The following PLEKHG4B variants were observed in gnomAD, a reference collection of about 807,000 sequenced individuals.
The protein encoded by PLEKHG4B is pleckstrin homology and RhoGEF domain containing G4B, also known as pleckstrin homology domain-containing family G member 4B.
In PLEKHG4B, 111 loss-of-function variants were observed where a neutral mutation model predicts 121.3. That is an observed-to-expected ratio of 0.92 (90% CI 0.78 to 1.07). The LOEUF (loss-of-function observed/expected upper bound fraction) is 1.07, where lower values mean the gene tolerates loss of function less well. Among genes scored for constraint, PLEKHG4B ranks in the 50% least tolerant of loss-of-function variants. The pLI, the probability that PLEKHG4B is intolerant of heterozygous loss-of-function variation, is 0.00. For synonymous variants in PLEKHG4B, 738 were observed against 725.0 expected (o/e 1.02, Z -0.29); for missense variants, 1,831 against 1,757.8 (o/e 1.04, Z -0.74).
At chr5:145,406 A>C (rs547068966) in intron 6 of PLEKHG4B, among the ~76,000 whole-genome samples, 1 of 152,330 alleles carries the variant, frequency 6.6e-6, no homozygotes, top group East Asian at 1.9e-4. Context: ...TGGCAGCCCC[A>C]GACAGGGTCA....
At chr5:129,636 A>G (rs1734718150) in intron 2 of PLEKHG4B, among the ~76,000 whole-genome samples, 1 of 152,214 alleles carries the variant, frequency 6.6e-6, no homozygotes, top group South Asian at 2.1e-4. Context: ...TAAATATTTC[A>G]TAGAGCTTGG....
rs1735765798 is a variant in PLEKHG4B, at chr5:156,019, C to T, written c.2209-52C>T. ...CCTGCCACTGTCACACTTGGGAGGA[C>T]CTGCCCCTTGGAGGAGGGAGTTAAA... On this transcript the variant is annotated intron_variant, in intron 9 of 19. Coordinates refer to ENST00000637938, the MANE Select transcript of PLEKHG4B (RefSeq NM_052909.5). This position sits in a 1 kb window ranked among gnomAD's most constrained non-coding sequence, Gnocchi z 4.4. 2 of 1,468,604 alleles carry T rather than the reference C, an allele frequency of 1.4e-6. No homozygotes were observed. The highest frequency in any genetic ancestry group is 2.9e-5 in the South Asian group (2 of 68,126). The allele number at this position is 1,468,604 out of a possible 1,614,324, so 91.0% of individuals were successfully genotyped here. A position where few individuals can be genotyped will look rare whatever the true frequency, so the allele number is the denominator to read the frequency against.
intron 8 of PLEKHG4B, 118 bp from the exon 9 acceptor site, chr5:155,227 A>G: frequency 4.1e-6 from 4 of 985,826 alleles, no homozygotes; most frequent in Non-Finnish European, 6.3e-6. Flanking sequence ...GGATCTTCAC[A>G]TATGGAAGCT....
At chr5:176,176 C>T (rs527956768) in intron 18 of PLEKHG4B, among the ~76,000 whole-genome samples, 1 of 118,882 alleles carries the variant, frequency 8.4e-6, no homozygotes, top group African/African-American at 2.6e-5. Flanking sequence ...GGCTTCACCC[C>T]TGTGCAGCCC....
At chr5:132,960 T>G (rs139448212) in intron 2 of PLEKHG4B, among the ~76,000 whole-genome samples, 207 of 152,338 alleles carry the variant, frequency 1.4e-3, no homozygotes, top group African/African-American at 4.8e-3. Context: ...GGAATTGCAT[T>G]GAATTTGTAA....
chr5:145,391 G>A (rs1462321110), intron 6 of PLEKHG4B, among the ~76,000 whole-genome samples: 5 of 152,270 alleles, frequency 3.3e-5, no homozygotes, highest in South Asian at 2.1e-4. Flanking sequence ...GGGTGGGGAC[G>A]AACCTGGCAG....
intron 7 of PLEKHG4B, among the ~76,000 whole-genome samples, chr5:154,621 CTTTT>C (rs35893349): frequency 0.075 from 9,942 of 131,802 alleles, 348 homozygotes; most frequent in Non-Finnish European, 0.093. Context: ...TCCTTCCTCC[CTTTT>C]TTTTTTTTTT....
intron 18 of PLEKHG4B, among the ~76,000 whole-genome samples, chr5:177,600 A>T (rs1421364806): frequency 1.3e-5 from 2 of 152,228 alleles, no homozygotes; most frequent in African/African-American, 4.8e-5. Context: ...GATGTAAGGC[A>T]GAAAAAGAGA....
chr5:107,742 C>T (rs1443680882), intron 1 of PLEKHG4B, among the ~76,000 whole-genome samples: 1 of 152,178 alleles, frequency 6.6e-6, no homozygotes, highest in Non-Finnish European at 1.5e-5. Context: ...TGAGCCAAGG[C>T]TTTCTCTGCA....
chr5:132,230 C>T (rs1237874851), intron 2 of PLEKHG4B, among the ~76,000 whole-genome samples: 3 of 151,770 alleles, frequency 2.0e-5, no homozygotes, highest in Non-Finnish European at 4.4e-5. Context: ...CAAAATTATC[C>T]GTTTGTAGAT....
In PLEKHG4B at chr5:139,012, G is replaced by A. The variant is rs76521842; in HGVS notation, c.244-471G>A. ...ACCCGCACCCCTCGCTAAGGAGGCC[G>A]AGGTAGCGCCTGCAGCAGCCGGGAG... On this transcript the variant is annotated intron_variant, in intron 2 of 19. Transcript: ENST00000637938. This position sits in a 1 kb window ranked among gnomAD's most constrained non-coding sequence, Gnocchi z 5.0. Among the ~76,000 whole-genome samples, 6 of 152,344 alleles carry A rather than the reference G, an allele frequency of 3.9e-5. No homozygotes were observed. The highest frequency in any genetic ancestry group is 1.2e-4 in the African/African-American group (5 of 41,584).
At chr5:112,852 G>A (rs149282112) in intron 1 of PLEKHG4B, among the ~76,000 whole-genome samples, 13 of 152,260 alleles carry the variant, frequency 8.5e-5, no homozygotes, top group South Asian at 2.1e-4. Flanking sequence ...AGCAGCTCCC[G>A]CAGGACTCAC....
intron 2 of PLEKHG4B, among the ~76,000 whole-genome samples, chr5:115,696 TAAG>T (rs773497034): frequency 3.3e-5 from 5 of 152,232 alleles, no homozygotes; most frequent in Non-Finnish European, 7.3e-5. Context: ...ATTTTTACGT[TAAG>T]GAGATGGCTT....
At chr5:117,825 C>G (rs1734348365) in intron 2 of PLEKHG4B, among the ~76,000 whole-genome samples, 1 of 152,152 alleles carries the variant, frequency 6.6e-6, no homozygotes, top group Non-Finnish European at 1.5e-5. Context: ...TACACTCCAT[C>G]CTGGGCAACA....
chr5:114,691 A>G (rs1471497519), intron 2 of PLEKHG4B, among the ~76,000 whole-genome samples: 1 of 152,162 alleles, frequency 6.6e-6, no homozygotes, highest in Admixed American at 6.5e-5. Flanking sequence ...TCCTGACCTC[A>G]GGTGATCCAC....
In PLEKHG4B at chr5:135,979, C is replaced by T. The variant is rs562819692; in HGVS notation, c.244-3504C>T. Among the ~76,000 whole-genome samples the T allele has an allele frequency of 6.6e-5, 10 of 151,834 alleles. No individual in the cohort carries two copies. In the East Asian group the frequency reaches 1.9e-3, roughly 29 times the overall value. On this transcript the variant is annotated intron_variant, in intron 2 of 19. Transcript: ENST00000637938. The stretch of plus-strand genomic sequence containing the variant: ...ACTGGCATAAAAACAGACACACAGA[C>T]CAGTGGAGTGGAATAGAGAGCCCAG...
intron 5 of PLEKHG4B, among the ~76,000 whole-genome samples, chr5:144,598 C>T (rs1041567700): frequency 6.6e-6 from 1 of 152,142 alleles, no homozygotes; most frequent in African/African-American, 2.4e-5. Context: ...CCCCATGTGC[C>T]CAGAGACACT....
intron 1 of PLEKHG4B, among the ~76,000 whole-genome samples, chr5:94,965 G>A (rs1453561985): frequency 6.6e-6 from 1 of 152,152 alleles, no homozygotes; most frequent in African/African-American, 2.4e-5. Flanking sequence ...AGGAAACACA[G>A]TTGCATTCTT....
chr5:154,621 C>CT (rs35893349), intron 7 of PLEKHG4B, among the ~76,000 whole-genome samples: 4,852 of 131,560 alleles, frequency 0.037, 108 homozygotes, highest in African/African-American at 0.079. Flanking sequence ...TCCTTCCTCC[C>CT]TTTTTTTTTT....
Sources: allele counts gnomAD v4.1 joint callset (sites outside exome capture counted in the v4.1 genomes callset), GRCh38; gene constraint gnomAD v4.1.1; non-coding constraint Gnocchi (gnomAD v3.1); transcripts MANE v1.5; gene names NCBI Gene and HGNC (gene_info 2026-07-23, HGNC 2026-07-21).